KANK2: variants seen among roughly 807,000 people sequenced by gnomAD.
KANK2 encodes KN motif and ankyrin repeat domains 2, also known as KN motif and ankyrin repeat domain-containing protein 2.
In KANK2, 41 loss-of-function variants were observed where a neutral mutation model predicts 74.6. That is an observed-to-expected ratio of 0.55 (90% CI 0.43 to 0.71). The LOEUF is 0.71. KANK2 is among the 30% of genes least tolerant of loss of function. The pLI is 0.00. For missense variants in KANK2, 1,148 were observed against 1,196.4 expected, an observed-to-expected ratio of 0.96 and a Z score of 0.60; for synonymous variants, 537 against 519.0, an observed-to-expected ratio of 1.03 and a Z score of -0.47.
Position 11,174,581 on chromosome 19 carries a change from G to T in KANK2, c.1960C>A (p.Arg654=). The T allele has an allele frequency of 6.2e-7, 1 of 1,613,290 alleles. No individual in the cohort carries two copies. The highest frequency in any genetic ancestry group is 8.5e-7 in the Non-Finnish European group (1 of 1,179,802). The change falls in exon 9 of 13, where the codon CGG becomes AGG. Residue 654 remains arginine (R), a synonymous_variant. Transcript: ENST00000586659. Reference sequence around the variant, plus strand: ...ATGTTGACCACGTAGTCCAGCAGCCGCGCAGACATGGCCCGGAACGTGACC... The same window carrying T: ...ATGTTGACCACGTAGTCCAGCAGCCTCGCAGACATGGCCCGGAACGTGACC... ...HLVTFRAMSA[R]LLDYVVNIAD...
intron 4 of KANK2, among the ~76,000 whole-genome samples, chr19:11,187,090 T>C (rs182350673): frequency 5.5e-4 from 84 of 151,988 alleles, no homozygotes; most frequent in Non-Finnish European, 1.1e-3. Flanking sequence ...ACCCCGTCTC[T>C]ACTAAAAATA....
chr19:11,197,049 C>T (rs976611523), intron 1 of KANK2: 9 of 152,388 alleles, frequency 5.9e-5, no homozygotes, highest in Non-Finnish European at 1.3e-4. Context: ...CAGGCCCAGC[C>T]CGGCCGGACG....
At chr19:11,189,108 C>A (rs1297063546) in intron 4 of KANK2, among the ~76,000 whole-genome samples, 1 of 108,832 alleles carries the variant, frequency 9.2e-6, no homozygotes, top group Non-Finnish European at 2.0e-5. Flanking sequence ...TCCCCCCCCA[C>A]CCCCGCCCAC....
chr19:11,166,452 C>T lies in KANK2; in HGVS notation c.*106G>A. The T allele has an allele frequency of 1.9e-6, 2 of 1,065,908 alleles. No homozygotes were observed. The highest frequency in any genetic ancestry group is 2.9e-6 in the Non-Finnish European group (2 of 691,758). The allele number at this position is 1,065,908 out of a possible 1,614,324, so 66.0% of individuals were successfully genotyped here. ...GCTCGCTTGCCTTTGAGCCGTGGGCCTTGGGGAGTGTGAGTGGGGTGGGCC... is the reference window on the plus strand; with the variant it reads ...GCTCGCTTGCCTTTGAGCCGTGGGCTTTGGGGAGTGTGAGTGGGGTGGGCC... On this transcript the variant is annotated 3_prime_UTR_variant, in exon 13 of 13. Transcript: ENST00000586659.
At position 11,194,030 on chromosome 19, in the gene KANK2, G is replaced by A. The variant is rs1299080150; in HGVS notation, c.50C>T (p.Pro17Leu). 1.2e-6 allele frequency: 2 copies of A among 1,606,664 alleles called. No individual in the cohort carries two copies. The highest frequency in any genetic ancestry group is 8.5e-7 in the Non-Finnish European group (1 of 1,175,622). The change falls in exon 4 of 13, where the codon CCA becomes CTA. Residue 17 changes from proline (P) to leucine (L), a missense_variant. Physicochemically the swap from Pro to Leu is moderately conservative, Grantham distance 98. Coordinates refer to ENST00000586659, the MANE Select transcript of KANK2 (RefSeq NM_001136191.3). ...VPAPFPGTPGPASPPAFPAKD... is the reference protein window; with the variant it reads ...VPAPFPGTPGLASPPAFPAKD... The stretch of plus-strand genomic sequence containing the variant: ...GGCAGGGAAGGCAGGTGGGGAGGCT[G>A]GGCCAGGGGTCCCTGGGGATGGGAG...
intron 9 of KANK2, 115 bp from the exon 10 acceptor site, chr19:11,173,238 T>C: frequency 9.1e-7 from 1 of 1,102,876 alleles, no homozygotes; most frequent in East Asian, 2.5e-5. Context: ...CCCTCCCTTT[T>C]CTCAGAGGAC....
chr19:11,165,622 A>G lies in KANK2; in HGVS notation c.*936T>C. ...GGTCTCGCTGTGTCGCCCAGGCTGA[A>G]GTGCAATGGTGTGATCATAGCTCAC... On this transcript the variant is annotated 3_prime_UTR_variant, in exon 13 of 13. Coordinates refer to ENST00000586659, the MANE Select transcript of KANK2 (RefSeq NM_001136191.3). 1 of 151,958 alleles carries G rather than the reference A, an allele frequency of 6.6e-6. No homozygotes were observed. Among genetic ancestry groups the G allele is most frequent in the Non-Finnish European group, 1.5e-5 (1 of 67,954 alleles). 9.4% of individuals were successfully genotyped at this position (151,958 alleles called of 1,614,324 possible).
Position 11,178,437 on chromosome 19 carries a change from C to T in KANK2, c.1428G>A (p.Pro476=), listed in dbSNP as rs781735009. ...GTTTCATGATAGATCGCACGCCTGCCGGGGGCCCGCCTGGAGGGGAGGACA... is the reference window on the plus strand; with the variant it reads ...GTTTCATGATAGATCGCACGCCTGCTGGGGGCCCGCCTGGAGGGGAGGACA... ...SEEAGGTGGP[P]AGVRSIMKRK... The change falls in exon 6 of 13, where the codon CCG becomes CCA. Residue 476 remains proline (P), a synonymous_variant. Transcript: ENST00000586659. 29 of 1,596,624 alleles carry T rather than the reference C, an allele frequency of 1.8e-5. No homozygotes were observed. The highest frequency in any genetic ancestry group is 1.4e-4 in the East Asian group (6 of 43,420).
intron 10 of KANK2, among the ~76,000 whole-genome samples, chr19:11,171,444 C>T (rs1402876097): frequency 3.4e-5 from 5 of 148,598 alleles, no homozygotes; most frequent in Non-Finnish European, 5.9e-5. Context: ...GAGACCCTGT[C>T]TCAAAAAAAT....
At chr19:11,187,201 G>A (rs976546462) in intron 4 of KANK2, among the ~76,000 whole-genome samples, 3 of 152,060 alleles carry the variant, frequency 2.0e-5, no homozygotes, top group Non-Finnish European at 4.4e-5. Flanking sequence ...AGGTTACAGT[G>A]AGCTGAGATC....
intron 4 of KANK2, among the ~76,000 whole-genome samples, chr19:11,190,679 T>C (rs1258533484): frequency 6.6e-6 from 1 of 152,168 alleles, no homozygotes; most frequent in Non-Finnish European, 1.5e-5. Context: ...TCACACAGCA[T>C]GAGTTTGAAC....
chr19:11,179,784 A>G (rs1030329218), intron 4 of KANK2, among the ~76,000 whole-genome samples: 2 of 152,258 alleles, frequency 1.3e-5, no homozygotes, highest in Admixed American at 6.5e-5. Context: ...CTGCCAGCCA[A>G]CAGCGTGGAA....
In KANK2 at chr19:11,179,375, A is replaced by T. The variant is rs1351088683; in HGVS notation, c.1250-655T>A. Among the ~76,000 whole-genome samples the T allele has an allele frequency of 6.6e-5, 10 of 150,988 alleles. No homozygotes were observed. In the Admixed American group the frequency reaches 6.7e-4, roughly 10 times the overall value. ...TCTTGGTGGCCAGGCACAGTGGCTCATGCCTGTAATCCCAGTACTTTAGGA... is the reference window on the plus strand; with the variant it reads ...TCTTGGTGGCCAGGCACAGTGGCTCTTGCCTGTAATCCCAGTACTTTAGGA... On this transcript the variant is annotated intron_variant, in intron 4 of 12. Coordinates refer to ENST00000586659, the MANE Select transcript of KANK2 (RefSeq NM_001136191.3).
At chr19:11,171,821 C>T (rs568085554) in intron 10 of KANK2, among the ~76,000 whole-genome samples, 49 of 151,282 alleles carry the variant, frequency 3.2e-4, no homozygotes, top group Non-Finnish European at 6.3e-4. Flanking sequence ...CAGGCACATG[C>T]CACCATGCCC....
chr19:11,178,209 C>T, intron 6 of KANK2, 136 bp downstream of exon 6: 14 of 810,646 alleles, frequency 1.7e-5, no homozygotes, highest in Non-Finnish European at 2.3e-5. Flanking sequence ...GTTTCCTCAT[C>T]TCTGTGTTGT....
At chr19:11,190,897 A>C (rs1368867464) in intron 4 of KANK2, among the ~76,000 whole-genome samples, 1 of 150,946 alleles carries the variant, frequency 6.6e-6, no homozygotes. Flanking sequence ...CGCCCGGCTA[A>C]TTTTTGTATT....
At chr19:11,174,796 T>G (rs1176402616) in intron 8 of KANK2, 104 bp from the exon 9 acceptor site, 1 of 883,582 alleles carries the variant, frequency 1.1e-6, no homozygotes, top group African/African-American at 1.7e-5. Context: ...GCCCTTGTCC[T>G]GGAAAACGAT....
rs1168046813 is a variant in KANK2, at chr19:11,164,974, G to C, written c.*1584C>G. 1 of 152,132 alleles carries C rather than the reference G, an allele frequency of 6.6e-6. No homozygotes were observed. The highest frequency in any genetic ancestry group is 6.6e-5 in the Admixed American group (1 of 15,252). The allele number at this position is 152,132 out of a possible 1,614,324, so 9.4% of individuals were successfully genotyped here. On this transcript the variant is annotated 3_prime_UTR_variant, in exon 13 of 13. Coordinates refer to ENST00000586659, the MANE Select transcript of KANK2 (RefSeq NM_001136191.3). ...CTTGGAGGCTGAGCTCACTGGCCTC[G>C]AAAGGGCAGCGCGCGTATTTGGTTT... is the stretch of plus-strand genomic sequence containing the variant.
intron 8 of KANK2, 64 bp downstream of exon 8, chr19:11,175,838 C>A: frequency 5.0e-6 from 6 of 1,210,368 alleles, no homozygotes; most frequent in Non-Finnish European, 7.3e-6. Flanking sequence ...TGAGGAGAGG[C>A]CACGGGTGGG....
Sources: gnomAD v4.1 joint callset for allele counts (sites outside exome capture counted in the v4.1 genomes callset) on GRCh38, gnomAD v4.1.1 for gene constraint, MANE v1.5 for transcripts, NCBI Gene and HGNC (gene_info 2026-07-23, HGNC 2026-07-21) for gene names.